The following ERBIN variants were observed in gnomAD, a reference collection of about 807,000 sequenced individuals.
ERBIN encodes densin-180-like protein.
ERBIN carries 60 observed loss-of-function variants against 158.4 expected under a neutral mutation model. The observed-to-expected ratio is 0.38, with a 90% confidence interval of 0.31 to 0.47. The LOEUF is 0.47. Ranked by LOEUF, ERBIN falls within the 20% of genes least tolerant of loss-of-function variation. The pLI, the probability that ERBIN is intolerant of heterozygous loss-of-function variation, is 0.99. For missense variants in ERBIN, 1,610 were observed against 1,648.0 expected, an observed-to-expected ratio of 0.98 and a Z score of 0.40; for synonymous variants, 594 against 557.2, an observed-to-expected ratio of 1.07 and a Z score of -0.93.
chr5:66,053,346 T>C, intron 20 of ERBIN, 60 bp from the exon 21 acceptor site: 1 of 1,018,214 alleles, frequency 9.8e-7, no homozygotes, highest in Non-Finnish European at 1.4e-6. Context: ...TTATTAATGT[T>C]CCCTGTTACT....
At chr5:65,990,234 C>T (rs1419800512) in intron 2 of ERBIN, among the ~76,000 whole-genome samples, 2 of 152,092 alleles carry the variant, frequency 1.3e-5, no homozygotes, top group Non-Finnish European at 2.9e-5. Context: ...TATTGAGAAG[C>T]AGTATAGAAG....
intron 6 of ERBIN, among the ~76,000 whole-genome samples, chr5:66,013,924 T>A (rs1754458487): frequency 6.6e-6 from 1 of 152,164 alleles, no homozygotes; most frequent in Non-Finnish European, 1.5e-5. Flanking sequence ...TGCTATATTC[T>A]TAGCATTCTA....
chr5:66,032,813 A>G (rs1305686689), intron 14 of ERBIN, among the ~76,000 whole-genome samples: 1 of 152,246 alleles, frequency 6.6e-6, no homozygotes, highest in African/African-American at 2.4e-5. Flanking sequence ...GATTGCATCA[A>G]TAGAGCATGA....
intron 1 of ERBIN, among the ~76,000 whole-genome samples, chr5:65,953,248 T>C (rs1274640328): frequency 6.6e-6 from 1 of 152,198 alleles, no homozygotes; most frequent in Non-Finnish European, 1.5e-5. Context: ...GGATACACAG[T>C]CTAGTTGGTA....
chr5:65,972,603 C>T (rs186746206), intron 1 of ERBIN, among the ~76,000 whole-genome samples: 1 of 151,460 alleles, frequency 6.6e-6, no homozygotes, highest in African/African-American at 2.5e-5. Context: ...TTCTTTTCCT[C>T]TCCATATCTG....
chr5:65,965,685 A>G (rs1323492438), intron 1 of ERBIN, among the ~76,000 whole-genome samples: 1 of 151,878 alleles, frequency 6.6e-6, no homozygotes, highest in Admixed American at 6.6e-5. Flanking sequence ...GAACCACTGC[A>G]CCTGGCCCCA....
intron 1 of ERBIN, among the ~76,000 whole-genome samples, chr5:65,961,974 T>G (rs1029877315): frequency 2.0e-5 from 3 of 152,200 alleles, no homozygotes; most frequent in African/African-American, 7.2e-5. Context: ...AGAGTTGTTG[T>G]AAAACCAAGT....
At position 66,048,751 on chromosome 5, in the gene ERBIN, A is replaced by G. The variant is rs1470444195; in HGVS notation, c.1873A>G (p.Lys625Glu). The change falls in exon 19 of 26, where the codon AAA becomes GAA. Residue 625 changes from lysine (K) to glutamate (E), a missense_variant. Around this residue, in one of 2 missense-constraint regions of ERBIN, gnomAD observed 1,014 missense variants for 936.1 expected, o/e 1.08. Transcript: ENST00000284037. Reference sequence around the variant, plus strand: ...AATTGAAACCTCTATTAACCAGCCAAAAGTCGTAGCACTTAGTAATAACAA... The same window carrying G: ...AATTGAAACCTCTATTAACCAGCCAGAAGTCGTAGCACTTAGTAATAACAA... ...PLIETSINQP[K>E]VVALSNNKKD... The G allele has an allele frequency of 2.5e-6, 4 of 1,606,704 alleles. No individual in the cohort carries two copies. Among genetic ancestry groups the G allele is most frequent in the Admixed American group, 3.4e-5 (2 of 59,532 alleles).
chr5:66,055,694 T>G (rs2151245200), intron 21 of ERBIN, among the ~76,000 whole-genome samples: 1 of 152,290 alleles, frequency 6.6e-6, no homozygotes, highest in African/African-American at 2.4e-5. Context: ...AGATTTAACT[T>G]TATACTTACT....
At position 65,974,070 on chromosome 5, in the gene ERBIN, A is replaced by C. The variant is rs545421786; in HGVS notation, c.-57-14565A>C. ...GGCAACATAGCGAAACTCCATCTCTACAAAATAAAAACTAAAAAAATAACC... is the reference window on the plus strand; with the variant it reads ...GGCAACATAGCGAAACTCCATCTCTCCAAAATAAAAACTAAAAAAATAACC... On this transcript the variant is annotated intron_variant, in intron 1 of 25. Coordinates refer to ENST00000284037, the MANE Select transcript of ERBIN (RefSeq NM_001253697.2). 2.6e-5 allele frequency among the ~76,000 whole-genome samples: 4 copies of C among 151,346 alleles called. No homozygotes were observed. In the East Asian group the frequency reaches 7.7e-4, roughly 29 times the overall value.
At chr5:65,936,162 G>A (rs1484865803) in intron 1 of ERBIN, among the ~76,000 whole-genome samples, 1 of 152,042 alleles carries the variant, frequency 6.6e-6, no homozygotes, top group East Asian at 1.9e-4. Flanking sequence ...GTCTGATGGA[G>A]GGGGGGTGGG....
chr5:66,039,288 A>G (rs190412535), intron 15 of ERBIN, among the ~76,000 whole-genome samples: 1 of 151,930 alleles, frequency 6.6e-6, no homozygotes, highest in Non-Finnish European at 1.5e-5. Flanking sequence ...CTTTTGGAGC[A>G]CAGCCACATT....
Position 65,999,420 on chromosome 5 carries a change from G to A in ERBIN, c.307+4556G>A, listed in dbSNP as rs576214089. The stretch of plus-strand genomic sequence containing the variant: ...GCTAAGCTTATTTAAATTTAAGTTG[G>A]AGGCATCATGTCTTCACTCCTAAAT... On this transcript the variant is annotated intron_variant, in intron 4 of 25. Transcript: ENST00000284037. Among the ~76,000 whole-genome samples, 399 of 152,206 alleles carry A rather than the reference G, an allele frequency of 2.6e-3. 4 individuals are homozygous for A. The highest frequency in any genetic ancestry group is 0.01 in the Middle Eastern group (3 of 294).
At chr5:66,077,791 C>CAT (rs1762135087) in intron 25 of ERBIN, among the ~76,000 whole-genome samples, 1 of 131,044 alleles carries the variant, frequency 7.6e-6, no homozygotes, top group South Asian at 2.4e-4. Context: ...CACACACACA[C>CAT]ACATACACAC....
At chr5:66,032,676 C>T (rs1240700389) in intron 14 of ERBIN, among the ~76,000 whole-genome samples, 2 of 152,048 alleles carry the variant, frequency 1.3e-5, no homozygotes, top group Non-Finnish European at 2.9e-5. Context: ...TAGTGCCAAG[C>T]ATGAAGGTAG....
intron 1 of ERBIN, among the ~76,000 whole-genome samples, chr5:65,977,084 TA>T (rs1445896081): frequency 7.6e-6 from 1 of 131,558 alleles, no homozygotes; most frequent in Admixed American, 7.4e-5. Context: ...CACTTCCCAG[TA>T]GGGGCGGCCG....
intron 14 of ERBIN, among the ~76,000 whole-genome samples, chr5:66,032,353 A>G (rs1271189258): frequency 1.3e-5 from 2 of 152,138 alleles, no homozygotes; most frequent in Non-Finnish European, 2.9e-5. Flanking sequence ...GCTAGTGGAA[A>G]ATTGCTGTGA....
intron 21 of ERBIN, among the ~76,000 whole-genome samples, chr5:66,063,045 G>A (rs994886319): frequency 6.6e-6 from 1 of 152,234 alleles, no homozygotes; most frequent in Non-Finnish European, 1.5e-5. Context: ...CGTGCTGGGA[G>A]AACCACTACT....
intron 14 of ERBIN, among the ~76,000 whole-genome samples, chr5:66,036,066 A>G (rs966374268): frequency 2.0e-5 from 3 of 152,156 alleles, no homozygotes; most frequent in African/African-American, 7.2e-5. Context: ...TCCAGCCTCC[A>G]GCCTGGGTGA....
Sources: gnomAD v4.1 joint callset for allele counts (sites outside exome capture counted in the v4.1 genomes callset) on GRCh38, gnomAD v4.1.1 for gene constraint, gnomAD v4.1.1 regional missense constraint, MANE v1.5 for transcripts, NCBI Gene and HGNC (gene_info 2026-07-23, HGNC 2026-07-21) for gene names.